NSD2: variants seen among roughly 807,000 people sequenced by gnomAD.
NSD2 encodes the protein histone-lysine N-methyltransferase NSD2.
A neutral mutation model predicts 139.0 loss-of-function variants in NSD2; 12 were observed. That is an observed-to-expected ratio of 0.09 (90% CI 0.06 to 0.14). The LOEUF is 0.14. NSD2 is among the 10% of genes least tolerant of loss of function. The pLI is 1.00. For missense variants in NSD2, 1,155 were observed against 1,745.0 expected, an observed-to-expected ratio of 0.66 and a Z score of 6.02; for synonymous variants, 669 against 648.7, an observed-to-expected ratio of 1.03 and a Z score of -0.48.
In NSD2 at chr4:1,971,357, C is replaced by T. The variant is rs78013085; in HGVS notation, c.3373-3506C>T. 2.4e-3 allele frequency among the ~76,000 whole-genome samples: 367 copies of T among 152,198 alleles called. 13 individuals are homozygous for T. In the East Asian group the frequency reaches 0.042, roughly 17 times the overall value. Reference sequence around the variant, plus strand: ...GATGAGATGCACCCTAAATTTAGGGCCTTCCCACTGGCCTATGGGATCCAG... The same window carrying T: ...GATGAGATGCACCCTAAATTTAGGGTCTTCCCACTGGCCTATGGGATCCAG... On this transcript the variant is annotated intron_variant, in intron 18 of 21. Coordinates refer to ENST00000508803, the MANE Select transcript of NSD2 (RefSeq NM_001042424.3).
chr4:1,906,813 A>C (rs1717977268), intron 3 of NSD2, among the ~76,000 whole-genome samples: 1 of 151,608 alleles, frequency 6.6e-6, no homozygotes, highest in Non-Finnish European at 1.5e-5. Context: ...GGTGTGTGCC[A>C]CTATGCCTGG....
chr4:1,940,662 A>T (rs1360125465), intron 9 of NSD2: 8 of 1,061,552 alleles, frequency 7.5e-6, no homozygotes, highest in Admixed American at 5.4e-5. Flanking sequence ...AGGAGATGAT[A>T]ACTGGGGGCC....
At chr4:1,884,222 A>C (rs570243966) in intron 1 of NSD2, among the ~76,000 whole-genome samples, 1 of 151,476 alleles carries the variant, frequency 6.6e-6, no homozygotes, top group Non-Finnish European at 1.5e-5. Context: ...CAGCCTCCCA[A>C]GTAGCTGGGA....
Position 1,980,167 on chromosome 4 carries a change from A to G in NSD2, c.*1258A>G. The G allele has an allele frequency of 8.6e-6, 2 of 233,326 alleles. No individual in the cohort carries two copies. The highest frequency in any genetic ancestry group is 6.0e-5 in the East Asian group (1 of 16,594). The allele number at this position is 233,326 out of a possible 1,614,324, so 14.5% of individuals were successfully genotyped here. ...TTATGGGCACTGGTCTAGGCCAGGT[A>G]TGACACCCACTCTCCTGTGAGATTT... On this transcript the variant is annotated 3_prime_UTR_variant, in exon 22 of 22. Transcript: ENST00000508803.
intron 5 of NSD2, among the ~76,000 whole-genome samples, chr4:1,925,771 TA>T (rs1345560586): frequency 4.1e-5 from 6 of 147,578 alleles, no homozygotes; most frequent in African/African-American, 1.3e-4. Context: ...TCTATATATA[TA>T]TTTTTTTTTG....
At chr4:1,938,418 T>TTTTTTTTTTTTTTTTTTTTTTTTTTTC in intron 7 of NSD2, 33 bp from the exon 8 acceptor site, 1 of 449,654 alleles carries the variant, frequency 2.2e-6, no homozygotes, top group South Asian at 3.8e-5. Flanking sequence ...TTTTCTTTCT[T>TTTTTTTTTTTTTTTTTTTTTTTTTTTC]TTTTTTTTTT....
At chr4:1,951,960 G>C in intron 10 of NSD2, 148 bp from the exon 11 acceptor site, 1 of 1,270,118 alleles carries the variant, frequency 7.9e-7, no homozygotes, top group Non-Finnish European at 1.1e-6. Context: ...GTTTGGGCCA[G>C]ACGTTTGCCC....
intron 9 of NSD2, chr4:1,945,336 A>G: frequency 9.4e-7 from 1 of 1,065,716 alleles, no homozygotes; most frequent in Non-Finnish European, 1.1e-6. Context: ...CCATGCTGTC[A>G]GGAGCAAGCT....
Position 1,916,872 on chromosome 4 carries a change from T to G in NSD2, c.762T>G (p.Gly254=). 1.3e-6 allele frequency: 2 copies of G among 1,588,924 alleles called. No individual in the cohort carries two copies. Among genetic ancestry groups the G allele is most frequent in the Non-Finnish European group, 1.7e-6 (2 of 1,170,222 alleles). Residue 254 remains glycine (G), a splice_region_variant and synonymous_variant, in exon 4 of 22, where the codon GGT becomes GGG. Transcript: ENST00000508803. ...PLLHSYTKLK[G]QKKSARQYHV... ...CTAACATTTTATTTTAAAAACTAGG[T>G]CAGAAAAAGAGTGCACGCCAGTATC...
chr4:1,941,374 T>C, intron 9 of NSD2: 1 of 1,051,306 alleles, frequency 9.5e-7, no homozygotes, highest in Non-Finnish European at 1.1e-6. Flanking sequence ...AGATCTTCTC[T>C]GTTATTCCTG....
rs569244997 is a variant in NSD2, at chr4:1,982,150, A to C, written c.*3241A>C. 2.5e-3 allele frequency: 966 copies of C among 392,620 alleles called. 19 individuals carry two copies. Among genetic ancestry groups the C allele is most frequent in the South Asian group, 2.0e-3 (14 of 6,976 alleles). 24.3% of individuals were successfully genotyped at this position (392,620 alleles called of 1,614,324 possible). ...TTTAAAATGGAAAGCTGTGTTTGGAAAATTGTGTATGAGTATTTTTGTATT... is the reference window on the plus strand; with the variant it reads ...TTTAAAATGGAAAGCTGTGTTTGGACAATTGTGTATGAGTATTTTTGTATT... On this transcript the variant is annotated 3_prime_UTR_variant, in exon 22 of 22. Coordinates refer to ENST00000508803, the MANE Select transcript of NSD2 (RefSeq NM_001042424.3).
intron 5 of NSD2, among the ~76,000 whole-genome samples, chr4:1,924,568 G>C (rs955404721): frequency 6.6e-6 from 1 of 152,026 alleles, no homozygotes; most frequent in Non-Finnish European, 1.5e-5. Context: ...AGTCTGGATT[G>C]GCACTATACT....
At position 1,979,010 on chromosome 4, in the gene NSD2, G is replaced by A. The variant is rs752810923; in HGVS notation, c.*101G>A. 20 of 1,403,846 alleles carry A rather than the reference G, an allele frequency of 1.4e-5. No individual in the cohort carries two copies. The highest frequency in any genetic ancestry group is 8.0e-5 in the South Asian group (5 of 62,714). The allele number at this position is 1,403,846 out of a possible 1,614,324, so 87.0% of individuals were successfully genotyped here. On this transcript the variant is annotated 3_prime_UTR_variant, in exon 22 of 22. Coordinates refer to ENST00000508803, the MANE Select transcript of NSD2 (RefSeq NM_001042424.3). The stretch of plus-strand genomic sequence containing the variant: ...AACTGGCCCGGAGGACCCAGCTCGA[G>A]CCGCCAGGACACAGACGTACAGGCC...
At chr4:1,926,246 C>A (rs1213429710) in intron 5 of NSD2, among the ~76,000 whole-genome samples, 1 of 151,430 alleles carries the variant, frequency 6.6e-6, no homozygotes, top group Admixed American at 6.6e-5. Context: ...CCTCCGTCTC[C>A]CAGGTTCAAA....
chr4:1,943,459 A>C (rs567833441), intron 9 of NSD2: 1 of 1,045,016 alleles, frequency 9.6e-7, no homozygotes, highest in Admixed American at 5.6e-5. Context: ...TTTTATCCAA[A>C]AGTATAAATT....
At chr4:1,971,893 C>T (rs1313858743) in intron 18 of NSD2, among the ~76,000 whole-genome samples, 3 of 152,218 alleles carry the variant, frequency 2.0e-5, no homozygotes, top group Non-Finnish European at 4.4e-5. Flanking sequence ...GAAACCAGGA[C>T]TACAAGTATG....
chr4:1,937,137 C>T (rs761935906), intron 7 of NSD2, among the ~76,000 whole-genome samples: 13 of 152,118 alleles, frequency 8.5e-5, no homozygotes, highest in Middle Eastern at 3.4e-3. Flanking sequence ...CTGCAACCTC[C>T]GCCTCCTCGA....
rs1353009339 is a variant in NSD2 at position 1,979,159 on chromosome 4, C to T, written c.*250C>T. 1.5e-5 allele frequency: 6 copies of T among 408,846 alleles called. No individual in the cohort carries two copies. Among genetic ancestry groups the T allele is most frequent in the Non-Finnish European group, 2.6e-5 (6 of 234,396 alleles). 25.3% of individuals were successfully genotyped at this position (408,846 alleles called of 1,614,324 possible). Reference sequence around the variant, plus strand: ...CAAACAGCCTCACTCCTCAGCGTTACCGCCACACTTGAATTTCTCCGAATG... The same window carrying T: ...CAAACAGCCTCACTCCTCAGCGTTATCGCCACACTTGAATTTCTCCGAATG... On this transcript the variant is annotated 3_prime_UTR_variant, in exon 22 of 22. Coordinates refer to ENST00000508803, the MANE Select transcript of NSD2 (RefSeq NM_001042424.3).
chr4:1,883,406 C>T (rs1465135362), intron 1 of NSD2, among the ~76,000 whole-genome samples: 1 of 151,802 alleles, frequency 6.6e-6, no homozygotes, highest in Non-Finnish European at 1.5e-5. Flanking sequence ...CTGAGGCAAG[C>T]AGATCACTTG....
Sources: gnomAD v4.1 joint callset for allele counts (sites outside exome capture counted in the v4.1 genomes callset) on GRCh38, gnomAD v4.1.1 for gene constraint, MANE v1.5 for transcripts, NCBI Gene and HGNC (gene_info 2026-07-23, HGNC 2026-07-21) for gene names.